The following CAB39 variants were observed in gnomAD, a reference collection of about 807,000 sequenced individuals.
The protein encoded by CAB39 is calcium-binding protein 39.
CAB39 carries 8 observed loss-of-function variants against 40.0 expected under a neutral mutation model. The ratio of observed to expected loss-of-function variants is 0.20; its 90% CI spans 0.12 to 0.36. CAB39 has a LOEUF of 0.36. CAB39 is among the 10% of genes least tolerant of loss of function. The probability of loss-of-function intolerance (pLI) is 1.00; values close to 1 mark genes in which losing one functional copy is unlikely to be tolerated. For missense variants in CAB39, 270 were observed against 401.1 expected, an observed-to-expected ratio of 0.67 and a Z score of 2.79; for synonymous variants, 156 against 141.6, an observed-to-expected ratio of 1.10 and a Z score of -0.72.
At chr2:230,729,128 T>C (rs1393719794) in intron 1 of CAB39, among the ~76,000 whole-genome samples, 2 of 152,258 alleles carry the variant, frequency 1.3e-5, no homozygotes. Context: ...TTAAATAGTC[T>C]GCCCAAAGAT....
chr2:230,731,540 C>T (rs899392516), intron 1 of CAB39, among the ~76,000 whole-genome samples: 13 of 152,174 alleles, frequency 8.5e-5, no homozygotes, highest in Non-Finnish European at 2.9e-5. Context: ...GTCTCACTGT[C>T]ACCGAGGCTG....
chr2:230,801,462 T>G (rs1203294842), intron 5 of CAB39, among the ~76,000 whole-genome samples: 2 of 152,194 alleles, frequency 1.3e-5, no homozygotes, highest in Non-Finnish European at 1.5e-5. Flanking sequence ...GTTCATGCTT[T>G]CCTTTGAGAA....
intron 5 of CAB39, among the ~76,000 whole-genome samples, chr2:230,808,855 T>G (rs973160706): frequency 6.6e-6 from 1 of 152,212 alleles, no homozygotes; most frequent in Non-Finnish European, 1.5e-5. Flanking sequence ...GTTCCCTGAT[T>G]TTATTGGTTC....
At chr2:230,809,295 TTCAAGAAACAC>T (rs1172686029) in intron 5 of CAB39, among the ~76,000 whole-genome samples, 1 of 152,216 alleles carries the variant, frequency 6.6e-6, no homozygotes, top group African/African-American at 2.4e-5. Context: ...TTCAGCATAC[TTCAAGAAACAC>T]TAGTTCTTTG....
intron 1 of CAB39, among the ~76,000 whole-genome samples, chr2:230,752,950 T>C (rs1695116257): frequency 6.6e-6 from 1 of 152,048 alleles, no homozygotes; most frequent in Non-Finnish European, 1.5e-5. Context: ...GGAGCAGCAG[T>C]TGGAAAGGTA....
At chr2:230,733,370 A>G (rs553109601) in intron 1 of CAB39, among the ~76,000 whole-genome samples, 1 of 152,052 alleles carries the variant, frequency 6.6e-6, no homozygotes, top group Admixed American at 6.6e-5. Context: ...ATGTCCCCCC[A>G]CATACCCCCA....
At chr2:230,724,101 G>A (rs1409012813) in intron 1 of CAB39, among the ~76,000 whole-genome samples, 1 of 151,906 alleles carries the variant, frequency 6.6e-6, no homozygotes, top group Non-Finnish European at 1.5e-5. Context: ...ACAAAAATTA[G>A]CTGAGTGTGG....
At chr2:230,810,787 C>T (rs1370289611) in intron 6 of CAB39, among the ~76,000 whole-genome samples, 2 of 152,186 alleles carry the variant, frequency 1.3e-5, no homozygotes, top group African/African-American at 2.4e-5. Context: ...GGCAGTTAAC[C>T]GCTTGGGGAC....
intron 2 of CAB39, among the ~76,000 whole-genome samples, chr2:230,778,845 A>G (rs932395250): frequency 6.6e-6 from 1 of 152,194 alleles, no homozygotes; most frequent in Non-Finnish European, 1.5e-5. Context: ...CAGTTGGAAC[A>G]CAATGGCAAG....
intron 2 of CAB39, among the ~76,000 whole-genome samples, chr2:230,770,827 C>A (rs538001729): frequency 6.6e-6 from 1 of 151,908 alleles, no homozygotes; most frequent in Non-Finnish European, 1.5e-5. Context: ...GGGAAAAAAA[C>A]CAGCATCTAT....
chr2:230,732,183 G>C (rs1052372329), intron 1 of CAB39, among the ~76,000 whole-genome samples: 1 of 151,982 alleles, frequency 6.6e-6, no homozygotes, highest in African/African-American at 2.4e-5. Flanking sequence ...CCGGGTCCAC[G>C]CCATTCTCCT....
chr2:230,813,513 A>T (rs888765824), intron 6 of CAB39, among the ~76,000 whole-genome samples: 1 of 152,174 alleles, frequency 6.6e-6, no homozygotes, highest in Admixed American at 6.5e-5. Context: ...GGCCTGGTTA[A>T]CACAATGCTG....
chr2:230,764,202 G>GT (rs1464965988), intron 2 of CAB39, among the ~76,000 whole-genome samples: 1 of 152,062 alleles, frequency 6.6e-6, no homozygotes, highest in African/African-American at 2.4e-5. Context: ...TGCAAAATAG[G>GT]TATACATTCA....
intron 1 of CAB39, among the ~76,000 whole-genome samples, chr2:230,738,929 T>C (rs1253790790): frequency 6.6e-6 from 1 of 152,242 alleles, no homozygotes; most frequent in Non-Finnish European, 1.5e-5. Context: ...TAAAAATCAT[T>C]TCACCACTCT....
At chr2:230,720,687 T>C (rs990326891) in intron 1 of CAB39, among the ~76,000 whole-genome samples, 1 of 152,218 alleles carries the variant, frequency 6.6e-6, no homozygotes. Flanking sequence ...CCCAAAGTGC[T>C]GGGGTTACAG....
Position 230,800,059 on chromosome 2 carries a change from G to T in CAB39, c.567+1162G>T, listed in dbSNP as rs529208459. ...AAAGAAAATACATATATACACACCA[G>T]TATTTAGCATACTGATATGCAGACG... On this transcript the variant is annotated intron_variant, in intron 5 of 8. Coordinates refer to ENST00000258418, the MANE Select transcript of CAB39 (RefSeq NM_016289.4). Among the ~76,000 whole-genome samples, 69 of 151,924 alleles carry T rather than the reference G, an allele frequency of 4.5e-4. 1 individual carries two copies. Among genetic ancestry groups the T allele is most frequent in the Non-Finnish European group, 7.5e-4 (51 of 67,964 alleles).
rs1463338841 is a variant in CAB39 at position 230,713,239 on chromosome 2, C to A, written c.-44+9C>A. On this transcript the variant is annotated intron_variant, in intron 1 of 8. Coordinates refer to ENST00000258418, the MANE Select transcript of CAB39 (RefSeq NM_016289.4). ...ACGCCCGGCCCAGCCCCGTGAGTGACCCCCGGCCGGCCCTGCTCGTGGTGC... is the reference window on the plus strand; with the variant it reads ...ACGCCCGGCCCAGCCCCGTGAGTGAACCCCGGCCGGCCCTGCTCGTGGTGC... 6.6e-6 allele frequency: 1 copy of A among 152,230 alleles called. No homozygotes were observed. The highest frequency in any genetic ancestry group is 1.5e-5 in the Non-Finnish European group (1 of 68,104). The allele number at this position is 152,230 out of a possible 1,614,324, so 9.4% of individuals were successfully genotyped here. A position where few individuals can be genotyped will look rare whatever the true frequency, so the allele number is the denominator to read the frequency against.
chr2:230,731,610 G>A (rs1031680829), intron 1 of CAB39, among the ~76,000 whole-genome samples: 8 of 152,090 alleles, frequency 5.3e-5, no homozygotes, highest in African/African-American at 1.4e-4. Flanking sequence ...TCAAGTAATC[G>A]TCCCTCCTCA....
chr2:230,804,034 C>T (rs932353087), intron 5 of CAB39, among the ~76,000 whole-genome samples: 2 of 152,198 alleles, frequency 1.3e-5, no homozygotes, highest in African/African-American at 2.4e-5. Flanking sequence ...CAGCATGGCA[C>T]TGGTACCAAA....
Sources: allele counts gnomAD v4.1 joint callset (sites outside exome capture counted in the v4.1 genomes callset), GRCh38; gene constraint gnomAD v4.1.1; transcripts MANE v1.5; gene names NCBI Gene and HGNC (gene_info 2026-07-23, HGNC 2026-07-21).